Variants in HIPK1 observed in about 807,000 individuals in gnomAD.
HIPK1 encodes homeodomain interacting protein kinase 1.
A neutral mutation model predicts 117.1 loss-of-function variants in HIPK1; 28 were observed. That is an observed-to-expected ratio of 0.24 (90% CI 0.18 to 0.33). HIPK1 has a LOEUF of 0.33. Among genes scored for constraint, HIPK1 ranks in the 10% least tolerant of loss-of-function variants. HIPK1 has a pLI of 1.00. For missense variants in HIPK1, 1,122 were observed against 1,475.1 expected, an observed-to-expected ratio of 0.76 and a Z score of 3.92; for synonymous variants, 605 against 562.5, an observed-to-expected ratio of 1.08 and a Z score of -1.07.
In HIPK1 at chr1:113,936,624, C is replaced by A. The variant is rs537877393; in HGVS notation, c.-2-3758C>A. 2.0e-5 allele frequency among the ~76,000 whole-genome samples: 3 copies of A among 152,158 alleles called. No individual in the cohort carries two copies. The East Asian group carries it at 5.8e-4, about 29-fold the overall frequency. On this transcript the variant is annotated intron_variant, in intron 1 of 15. Coordinates refer to ENST00000426820, the MANE Select transcript of HIPK1 (RefSeq NM_198268.3). ...GGATTACAAGTGCGTGTCACCACGC[C>A]CAGCTAATTTTTGTATCTTTAGTAG...
At chr1:113,965,226 A>G (rs1183650234) in intron 10 of HIPK1, among the ~76,000 whole-genome samples, 1 of 152,174 alleles carries the variant, frequency 6.6e-6, no homozygotes, top group Non-Finnish European at 1.5e-5. Context: ...GTACCCAAGC[A>G]TTGTAGGTAA....
chr1:113,946,847 G>A (rs1390005615), intron 2 of HIPK1, among the ~76,000 whole-genome samples: 3 of 152,182 alleles, frequency 2.0e-5, no homozygotes, highest in Non-Finnish European at 2.9e-5. Flanking sequence ...GTGTTCTGTT[G>A]TGTCACAGTA....
In HIPK1 at chr1:113,962,359, G is replaced by C. The variant is rs772180119; in HGVS notation, c.2024G>C (p.Arg675Thr). ...ATTKHSGFPV[R>T]MDNAVPIVPQ... ...ACAAAGCATTCTGGATTCCCTGTGA[G>C]GATGGATAATGCTGTACCGATTGTA... The change falls in exon 9 of 16, where the codon AGG becomes ACG. Residue 675 changes from arginine (R) to threonine (T), a missense_variant. By Grantham distance (71) the Arg-to-Thr change is moderately conservative. This residue lies in a region of HIPK1 where 731 missense variants were observed against 860.4 expected (regional missense o/e 0.85). Transcript: ENST00000426820. The C allele has an allele frequency of 6.2e-7, 1 of 1,613,854 alleles. No individual in the cohort carries two copies. The highest frequency in any genetic ancestry group is 1.7e-5 in the Admixed American group (1 of 60,002).
At chr1:113,968,730 G>C in intron 13 of HIPK1, 82 bp downstream of exon 13, 1 of 1,141,762 alleles carries the variant, frequency 8.8e-7, no homozygotes, top group Non-Finnish European at 1.3e-6. Context: ...GCCTGTGAAA[G>C]AAAGGACCGG....
At position 113,970,185 on chromosome 1, in the gene HIPK1, A is replaced by T; in HGVS notation, c.3001A>T (p.Thr1001Ser). ...KTQLGDCTVA[T>S]QASGLLSNKT... is the part of the protein sequence containing the mutation. ...TCAGCTTGGTGACTGCACTGTAGCA[A>T]CCCAGGCCTCAGGTCAGTGTTATCT... The change falls in exon 14 of 16, where the codon ACC becomes TCC. Residue 1001 changes from threonine (T) to serine (S), a missense_variant. By Grantham distance (58) the Thr-to-Ser change is moderately conservative. Coordinates refer to ENST00000426820, the MANE Select transcript of HIPK1 (RefSeq NM_198268.3). 1 of 1,614,148 alleles carries T rather than the reference A, an allele frequency of 6.2e-7. No homozygotes were observed. The highest frequency in any genetic ancestry group is 8.5e-7 in the Non-Finnish European group (1 of 1,180,012).
intron 2 of HIPK1, among the ~76,000 whole-genome samples, chr1:113,948,701 A>C (rs2101246762): frequency 6.6e-6 from 1 of 151,780 alleles, no homozygotes; most frequent in East Asian, 1.9e-4. Context: ...AAGCAGGGTG[A>C]GACCAAATGA....
chr1:113,956,937 T>C, intron 6 of HIPK1, 126 bp downstream of exon 6: 1 of 978,228 alleles, frequency 1.0e-6, no homozygotes, highest in South Asian at 1.5e-5. Flanking sequence ...GTGCTTTTCT[T>C]TCTCATTGAA....
intron 15 of HIPK1, 51 bp from the exon 16 acceptor site, chr1:113,972,973 C>G (rs770803114): frequency 6.7e-7 from 1 of 1,500,804 alleles, no homozygotes; most frequent in Admixed American, 2.3e-5. Flanking sequence ...CCTTTGGTGC[C>G]CTGAGCTGGA....
intron 1 of HIPK1, 185 bp downstream of exon 1, chr1:113,929,717 C>T (rs1040929448): frequency 1.3e-6 from 1 of 788,654 alleles, no homozygotes; most frequent in Non-Finnish European, 1.6e-6. Context: ...GCTGAGGCGG[C>T]GGCGGCGGCG....
chr1:113,958,327 A>G (rs752099681), intron 8 of HIPK1, 36 bp downstream of exon 8: 29 of 1,425,630 alleles, frequency 2.0e-5, no homozygotes, highest in Middle Eastern at 3.5e-4. Flanking sequence ...ATGGTATTGT[A>G]TCAGACCTAC....
intron 1 of HIPK1, 97 bp downstream of exon 1, chr1:113,929,629 C>T (rs1040981600): frequency 2.1e-4 from 227 of 1,077,632 alleles, no homozygotes; most frequent in Non-Finnish European, 2.6e-4. Flanking sequence ...TCGGGTCTGG[C>T]GACAACGGCG....
chr1:113,943,640 A>G (rs1321152377), intron 2 of HIPK1, among the ~76,000 whole-genome samples: 2 of 152,192 alleles, frequency 1.3e-5, no homozygotes, highest in African/African-American at 4.8e-5. Flanking sequence ...TTGGGGATAT[A>G]GCTAGGAGTG....
chr1:113,938,933 C>CACACACACAA (rs1479069441), intron 1 of HIPK1, among the ~76,000 whole-genome samples: 1 of 71,054 alleles, frequency 1.4e-5, no homozygotes, highest in African/African-American at 5.9e-5. Context: ...AAAAAATACA[C>CACACACACAA]ACACACACAC....
At chr1:113,967,468 A>G (rs927175513) in intron 11 of HIPK1, among the ~76,000 whole-genome samples, 3 of 152,102 alleles carry the variant, frequency 2.0e-5, no homozygotes, top group Non-Finnish European at 4.4e-5. Flanking sequence ...GCATTTCTCT[A>G]ATGATCAGAG....
At chr1:113,939,643 G>A (rs563604426) in intron 1 of HIPK1, among the ~76,000 whole-genome samples, 2 of 152,122 alleles carry the variant, frequency 1.3e-5, no homozygotes, top group South Asian at 4.1e-4. Flanking sequence ...ATTTTGAGGA[G>A]TAATTATTAA....
rs765573537 is a variant in HIPK1, at chr1:113,929,487, C to T, written c.-48C>T. ...CCACCGACTCCTACTGCAATCAGTA[C>T]TATGCGATCGTCCTAGAGAGTCCAT... On this transcript the variant is annotated 5_prime_UTR_variant, in exon 1 of 16. Coordinates refer to ENST00000426820, the MANE Select transcript of HIPK1 (RefSeq NM_198268.3). 1 of 1,289,438 alleles carries T rather than the reference C, an allele frequency of 7.8e-7. No homozygotes were observed. Among genetic ancestry groups the T allele is most frequent in the South Asian group, 1.2e-5 (1 of 81,032 alleles). The allele number at this position is 1,289,438 out of a possible 1,614,324, so 79.9% of individuals were successfully genotyped here.
Position 113,940,863 on chromosome 1 carries a change from C to G in HIPK1, c.480C>G (p.Thr160=). The G allele has an allele frequency of 6.2e-7, 1 of 1,614,100 alleles. No homozygotes were observed. The highest frequency in any genetic ancestry group is 1.3e-5 in the African/African-American group (1 of 75,022). The part of the protein sequence containing the change: ...RTVVGAAATT[T]TVTTKSSSSS... ...TGGTGGGTGCTGCTGCCACAACCAC[C>G]ACTGTGACCACAAAGAGTAGCAGTT... Residue 160 remains threonine, a synonymous_variant, in exon 2 of 16, where the codon ACC becomes ACG. Coordinates refer to ENST00000426820, the MANE Select transcript of HIPK1 (RefSeq NM_198268.3).
chr1:113,930,079 G>C (rs894682606), intron 1 of HIPK1: 1 of 947,142 alleles, frequency 1.1e-6, no homozygotes, highest in Admixed American at 6.2e-5. Flanking sequence ...CCCTGCCTGG[G>C]ACCGGGCGCC....
intron 1 of HIPK1, among the ~76,000 whole-genome samples, chr1:113,934,413 T>C (rs1286358609): frequency 1.3e-5 from 2 of 152,204 alleles, no homozygotes; most frequent in Non-Finnish European, 2.9e-5. Context: ...GATGTGACCA[T>C]GCCAGGGAGT....
Sources: gnomAD v4.1 joint callset for allele counts (sites outside exome capture counted in the v4.1 genomes callset) on GRCh38, gnomAD v4.1.1 for gene constraint, gnomAD v4.1.1 regional missense constraint, MANE v1.5 for transcripts, NCBI Gene and HGNC (gene_info 2026-07-23, HGNC 2026-07-21) for gene names.